CADM2: variants seen among roughly 807,000 people sequenced by gnomAD.
CADM2 encodes immunoglobulin superfamily member 4D.
In CADM2, 12 loss-of-function variants were observed where a neutral mutation model predicts 49.8. That is an observed-to-expected ratio of 0.24 (90% CI 0.15 to 0.39). The LOEUF (loss-of-function observed/expected upper bound fraction) is 0.39. CADM2 is among the 10% of genes least tolerant of loss of function. The probability of loss-of-function intolerance (pLI) is 1.00; values close to 1 mark genes in which losing one functional copy is unlikely to be tolerated. For missense variants in CADM2, 378 were observed against 492.3 expected (o/e 0.77, Z 2.20); for synonymous variants, 214 against 175.4 (o/e 1.22, Z -1.74).
intron 7 of CADM2, among the ~76,000 whole-genome samples, chr3:85,939,502 C>CACACACACACACACAA (rs1479054163): frequency 1.3e-5 from 2 of 150,770 alleles, no homozygotes; most frequent in Non-Finnish European, 3.0e-5. Context: ...CACACACACA[C>CACACACACACACACAA]AACATGAAAC....
chr3:85,750,650 G>T (rs987079819), intron 2 of CADM2, among the ~76,000 whole-genome samples: 1 of 152,000 alleles, frequency 6.6e-6, no homozygotes, highest in Non-Finnish European at 1.5e-5. Context: ...CTTTAGTGGG[G>T]CATTTTTATT....
intron 1 of CADM2, among the ~76,000 whole-genome samples, chr3:85,343,839 A>G (rs1289680316): frequency 6.6e-6 from 1 of 152,186 alleles, no homozygotes; most frequent in African/African-American, 2.4e-5. Flanking sequence ...TTGTTTTTAC[A>G]TCTACTTCAC....
At chr3:85,713,543 C>T (rs2067187751) in intron 1 of CADM2, among the ~76,000 whole-genome samples, 1 of 152,074 alleles carries the variant, frequency 6.6e-6, no homozygotes, top group African/African-American at 2.4e-5. Context: ...AAAAAGGATG[C>T]CACTTAGGCA....
Position 86,069,722 on chromosome 3 carries a change from A to G in CADM2, c.*2939A>G, listed in dbSNP as rs765387632. 2 of 152,006 alleles carry G rather than the reference A, an allele frequency of 1.3e-5. No homozygotes were observed. The highest frequency in any genetic ancestry group is 2.9e-5 in the Non-Finnish European group (2 of 67,890). 9.4% of individuals were successfully genotyped at this position (152,006 alleles called of 1,614,324 possible). ...TGCACACACACACACCCTTAGTAGAATATGGAGCATTATTCTTTACCAAAA... is the reference window on the plus strand; with the variant it reads ...TGCACACACACACACCCTTAGTAGAGTATGGAGCATTATTCTTTACCAAAA... On this transcript the variant is annotated 3_prime_UTR_variant, in exon 10 of 10. Transcript: ENST00000383699.
chr3:85,541,779 A>ATTT lies in CADM2; in HGVS notation c.62-184742_62-184741insTTT, dbSNP rs1559897768. Among the ~76,000 whole-genome samples, 11 of 78,156 alleles carry ATTT rather than the reference A, an allele frequency of 1.4e-4. 1 individual carries two copies. Among genetic ancestry groups the ATTT allele is most frequent in the Non-Finnish European group, 1.4e-4 (5 of 35,578 alleles). The allele number at this position is 78,156 out of a possible 152,430, so 51.3% of individuals were successfully genotyped here. On this transcript the variant is annotated intron_variant, in intron 1 of 9. Coordinates refer to ENST00000383699, the MANE Select transcript of CADM2 (RefSeq NM_001167675.2). ...TTTATATATATATTTTATATTTTAT[A>ATTT]TATATATATATATATGTATAGTGTT...
intron 1 of CADM2, among the ~76,000 whole-genome samples, chr3:85,051,990 T>C (rs1247789216): frequency 1.4e-4 from 21 of 152,100 alleles, no homozygotes; most frequent in Non-Finnish European, 7.4e-5. Context: ...AGTTGCAATG[T>C]AATTGGAATA....
chr3:85,919,129 TGA>T (rs1326923267), intron 6 of CADM2, among the ~76,000 whole-genome samples: 3 of 151,970 alleles, frequency 2.0e-5, no homozygotes, highest in Non-Finnish European at 4.4e-5. Flanking sequence ...ATATGAAAAA[TGA>T]GAGTTCAAAT....
At chr3:85,074,915 C>T (rs1418559150) in intron 1 of CADM2, among the ~76,000 whole-genome samples, 1 of 150,048 alleles carries the variant, frequency 6.7e-6, no homozygotes, top group Non-Finnish European at 1.5e-5. Context: ...AGAGGTATTC[C>T]TCTCAAAAAA....
At chr3:85,164,513 A>G (rs186638525) in intron 1 of CADM2, among the ~76,000 whole-genome samples, 19 of 152,206 alleles carry the variant, frequency 1.2e-4, no homozygotes, top group Non-Finnish European at 2.1e-4. Context: ...CTAAACAGCA[A>G]TCTGTCACGG....
At chr3:85,332,112 G>C (rs372789666) in intron 1 of CADM2, among the ~76,000 whole-genome samples, 2 of 152,072 alleles carry the variant, frequency 1.3e-5, no homozygotes, top group South Asian at 2.1e-4. Flanking sequence ...TAAACCTATA[G>C]CTAATTTCTG....
intron 1 of CADM2, among the ~76,000 whole-genome samples, chr3:85,667,867 A>G (rs954722371): frequency 6.6e-6 from 1 of 152,084 alleles, no homozygotes; most frequent in Non-Finnish European, 1.5e-5. Flanking sequence ...CTCATAGGAT[A>G]GTTGTAGGAG....
intron 1 of CADM2, among the ~76,000 whole-genome samples, chr3:85,073,811 C>G (rs138411436): frequency 5.3e-5 from 8 of 151,850 alleles, no homozygotes; most frequent in Non-Finnish European, 1.2e-4. Context: ...TCAATTTGGG[C>G]GCAAAATTTT....
chr3:86,001,860 T>C (rs1472309037), intron 8 of CADM2, among the ~76,000 whole-genome samples: 1 of 152,132 alleles, frequency 6.6e-6, no homozygotes, highest in Non-Finnish European at 1.5e-5. Context: ...AATTTGGAAG[T>C]CATTGCTGTA....
At chr3:85,592,199 A>G (rs1035586721) in intron 1 of CADM2, among the ~76,000 whole-genome samples, 1 of 152,002 alleles carries the variant, frequency 6.6e-6, no homozygotes, top group Non-Finnish European at 1.5e-5. Flanking sequence ...ACATATTATT[A>G]TCTAATGCAA....
At chr3:85,500,365 C>T (rs918035425) in intron 1 of CADM2, among the ~76,000 whole-genome samples, 18 of 151,860 alleles carry the variant, frequency 1.2e-4, no homozygotes, top group African/African-American at 4.3e-4. Flanking sequence ...TTTCCAGCTC[C>T]GAAATTGGAA....
At chr3:85,536,460 TG>T (rs74420518) in intron 1 of CADM2, among the ~76,000 whole-genome samples, 77,247 of 151,318 alleles carry the variant, frequency 0.51, 22,752 homozygotes, top group East Asian at 0.84. Context: ...AATATAGTAT[TG>T]TTTTTTTCTT....
At chr3:85,687,235 T>A (rs1277503090) in intron 1 of CADM2, among the ~76,000 whole-genome samples, 1 of 152,258 alleles carries the variant, frequency 6.6e-6, no homozygotes, top group Non-Finnish European at 1.5e-5. Flanking sequence ...TCATTAATTA[T>A]GTTTACTTAC....
chr3:85,197,108 T>C (rs554207274), intron 1 of CADM2, among the ~76,000 whole-genome samples: 19 of 152,064 alleles, frequency 1.2e-4, no homozygotes, highest in Middle Eastern at 3.4e-3. Context: ...CAATTATTTG[T>C]TTGTTTTGTA....
intron 1 of CADM2, among the ~76,000 whole-genome samples, chr3:85,674,835 T>C (rs556337119): frequency 1.3e-5 from 2 of 152,282 alleles, no homozygotes; most frequent in African/African-American, 4.8e-5. Flanking sequence ...TTCATGTGAA[T>C]AGAATTTATG....
Sources: gnomAD v4.1 joint callset for allele counts (sites outside exome capture counted in the v4.1 genomes callset) on GRCh38, gnomAD v4.1.1 for gene constraint, MANE v1.5 for transcripts, NCBI Gene and HGNC (gene_info 2026-07-23, HGNC 2026-07-21) for gene names.